Variants in STK11 observed in about 807,000 individuals in gnomAD.
STK11 encodes the protein serine/threonine kinase 11, also known as serine/threonine-protein kinase STK11.
In STK11, 8 loss-of-function variants were observed where a neutral mutation model predicts 47.3. The ratio of observed to expected loss-of-function variants is 0.17; its 90% CI spans 0.10 to 0.31. STK11 has a LOEUF of 0.31. STK11 is among the 10% of genes least tolerant of loss of function. The pLI, the probability that STK11 is intolerant of heterozygous loss-of-function variation, is 1.00. For missense variants in STK11, 475 were observed against 605.0 expected, an observed-to-expected ratio of 0.79 and a Z score of 2.25; for synonymous variants, 330 against 255.8, an observed-to-expected ratio of 1.29 and a Z score of -2.77.
chr19:1,222,871 T>C lies in STK11; in HGVS notation c.921-114T>C, dbSNP rs911247180. 5.5e-6 allele frequency: 7 copies of C among 1,261,372 alleles called. No individual in the cohort carries two copies. The Admixed American group carries it at 1.6e-4, about 29-fold the overall frequency. The allele number at this position is 1,261,372 out of a possible 1,614,324, so 78.1% of individuals were successfully genotyped here. On this transcript the variant is annotated intron_variant, in intron 7 of 9. Coordinates refer to ENST00000326873, the MANE Select transcript of STK11 (RefSeq NM_000455.5). ...GGTCACAGCCACCCCTTGCACGGCC[T>C]GGTCCCAGCTCCTGAGTGTGTGGCA...
rs533940465 is a variant in STK11, at chr19:1,227,989, C to A, written c.*413C>A. 9.1e-5 allele frequency: 97 copies of A among 1,068,462 alleles called. No individual in the cohort carries two copies. Among genetic ancestry groups the A allele is most frequent in the Non-Finnish European group, 1.1e-4 (93 of 881,230 alleles). The allele number at this position is 1,068,462 out of a possible 1,614,324, so 66.2% of individuals were successfully genotyped here. ...AGACCAGGCTCCTGACCCCGCCATG[C>A]ATGCAGCGCCACCTGGAAGCCGCGC... On this transcript the variant is annotated 3_prime_UTR_variant, in exon 10 of 10. Transcript: ENST00000326873.
At chr19:1,207,569 T>G (rs1315543333) in intron 1 of STK11, among the ~76,000 whole-genome samples, 2 of 152,174 alleles carry the variant, frequency 1.3e-5, no homozygotes, top group Non-Finnish European at 2.9e-5. Context: ...CAGCCTGTGT[T>G]TGTTTGGGCC....
At chr19:1,214,924 C>T (rs1157031466) in intron 1 of STK11, among the ~76,000 whole-genome samples, 3 of 152,210 alleles carry the variant, frequency 2.0e-5, no homozygotes, top group African/African-American at 4.8e-5. Context: ...CCTGTGCGTC[C>T]GAGCATCTGG....
rs864622719 is a variant in STK11 at position 1,206,998 on chromosome 19, A to T, written c.85A>T (p.Ile29Phe). The change falls in exon 1 of 10, where the codon ATC (isoleucine) becomes TTC (phenylalanine). Residue 29 changes from isoleucine to phenylalanine, a missense_variant. Ile to Phe is a conservative substitution (Grantham distance 21). Transcript: ENST00000326873. ...GGGTATGGACACGTTCATCCACCGC[A>T]TCGACTCCACCGAGGTCATCTACCA... is the stretch of plus-strand genomic sequence containing the variant. ...SVGMDTFIHR[I>F]DSTEVIYQPR... is the part of the protein sequence containing the mutation. 2 of 1,613,398 alleles carry T rather than the reference A, an allele frequency of 1.2e-6. No homozygotes were observed. Among genetic ancestry groups the T allele is most frequent in the Non-Finnish European group, 1.7e-6 (2 of 1,179,760 alleles).
intron 9 of STK11, 146 bp downstream of exon 9, chr19:1,226,809 A>T (rs1228512393): frequency 9.8e-7 from 1 of 1,020,318 alleles, no homozygotes; most frequent in Non-Finnish European, 1.4e-6. Flanking sequence ...TGGCTTGGCC[A>T]CGTAGCGATC....
intron 9 of STK11, chr19:1,226,921 C>T (rs2080827982): frequency 2.0e-6 from 1 of 489,778 alleles, no homozygotes; most frequent in East Asian, 3.8e-5. Context: ...TCCTCACAGC[C>T]ACCTCTCAGA....
At chr19:1,223,672 G>A (rs1026574689) in intron 8 of STK11, 45 of 1,049,910 alleles carry the variant, frequency 4.3e-5, no homozygotes, top group Middle Eastern at 4.4e-4. Context: ...GGCTTAGAGC[G>A]GAGCGCGGCT....
chr19:1,227,703 C>G lies in STK11; in HGVS notation c.*127C>G. ...CCATGCTTCTGTGCCGACCACGCCC[C>G]AGGACCTCCGGAGCGCCCTGCAGGG... On this transcript the variant is annotated 3_prime_UTR_variant, in exon 10 of 10. Transcript: ENST00000326873. 5 of 1,070,270 alleles carry G rather than the reference C, an allele frequency of 4.7e-6. No homozygotes were observed. The highest frequency in any genetic ancestry group is 5.7e-6 in the Non-Finnish European group (5 of 882,332). The allele number at this position is 1,070,270 out of a possible 1,614,324, so 66.3% of individuals were successfully genotyped here.
chr19:1,210,098 C>T (rs527604532), intron 1 of STK11, among the ~76,000 whole-genome samples: 16 of 152,254 alleles, frequency 1.1e-4, no homozygotes, highest in African/African-American at 3.6e-4. Flanking sequence ...GCCCCGCTTA[C>T]AGCTGTGATT....
rs368733377 is a variant in STK11, at chr19:1,222,907, G to A, written c.921-78G>A. 27 of 1,450,598 alleles carry A rather than the reference G, an allele frequency of 1.9e-5. No individual in the cohort carries two copies. The Middle Eastern group carries it at 7.0e-4, about 38-fold the overall frequency. 89.9% of individuals were successfully genotyped at this position (1,450,598 alleles called of 1,614,324 possible). A position where few individuals can be genotyped will look rare whatever the true frequency, so the allele number is the denominator to read the frequency against. On this transcript the variant is annotated intron_variant, in intron 7 of 9. Coordinates refer to ENST00000326873, the MANE Select transcript of STK11 (RefSeq NM_000455.5). ...CCTGAGTGTGTGGCAGGTACCCTGG[G>A]CCCAGAGGAGCTGGGTCGGAAAACT...
chr19:1,222,523 A>G (rs966000826), intron 7 of STK11, among the ~76,000 whole-genome samples: 8 of 152,126 alleles, frequency 5.3e-5, no homozygotes, highest in Non-Finnish European at 1.2e-4. Flanking sequence ...GAGGCCACCC[A>G]CTGAGACCGG....
intron 8 of STK11, chr19:1,223,838 C>T: frequency 1.9e-6 from 2 of 1,027,868 alleles, no homozygotes; most frequent in Non-Finnish European, 2.3e-6. Context: ...TGTGTTCGGC[C>T]CAGGGCTGGG....
At chr19:1,223,247 G>A (rs2145431734) in intron 8 of STK11, 75 bp downstream of exon 8, 1 of 1,510,388 alleles carries the variant, frequency 6.6e-7, no homozygotes, top group Non-Finnish European at 8.9e-7. Flanking sequence ...GTGCCTGCCT[G>A]TCTGCAACAA....
At chr19:1,210,425 G>T (rs1049842199) in intron 1 of STK11, among the ~76,000 whole-genome samples, 2 of 152,338 alleles carry the variant, frequency 1.3e-5, no homozygotes, top group South Asian at 2.1e-4. Flanking sequence ...GATCACCAAG[G>T]GGGGTGGGTT....
rs1353766637 is a variant in STK11 at position 1,210,231 on chromosome 19, C to CT, written c.290+3028_290+3029insT. 2.6e-5 allele frequency among the ~76,000 whole-genome samples: 4 copies of CT among 152,306 alleles called. No individual in the cohort carries two copies. The East Asian group carries it at 5.8e-4, about 22-fold the overall frequency. Reference sequence around the variant, plus strand: ...AGTGCTGTCAAGGAGAAGGGGTGTCCACTGCCCAGCCCTGAGGCCCAAGGC... The same window carrying CT: ...AGTGCTGTCAAGGAGAAGGGGTGTCCTACTGCCCAGCCCTGAGGCCCAAGGC... On this transcript the variant is annotated intron_variant, in intron 1 of 9. Transcript: ENST00000326873.
At chr19:1,211,175 G>A (rs1209791153) in intron 1 of STK11, among the ~76,000 whole-genome samples, 1 of 152,190 alleles carries the variant, frequency 6.6e-6, no homozygotes, top group Non-Finnish European at 1.5e-5. Context: ...TGGGGAAGCT[G>A]AAGCAAGGAG....
chr19:1,226,752 A>G (rs1396312873), intron 9 of STK11, 89 bp downstream of exon 9: 10 of 1,383,996 alleles, frequency 7.2e-6, no homozygotes, highest in Admixed American at 5.9e-5. Context: ...CTAGTCAGTC[A>G]TGGTGACCGT....
intron 1 of STK11, among the ~76,000 whole-genome samples, chr19:1,212,747 T>C (rs992723438): frequency 6.6e-6 from 1 of 151,948 alleles, no homozygotes; most frequent in African/African-American, 2.4e-5. Flanking sequence ...GGTTTCACCG[T>C]GTTAGCCAGT....
intron 8 of STK11, chr19:1,224,494 G>C: frequency 1.0e-6 from 1 of 985,468 alleles, no homozygotes; most frequent in South Asian, 4.7e-5. Flanking sequence ...GAGACGGGCA[G>C]CCAGGCAAAT....
Sources: allele counts gnomAD v4.1 joint callset (sites outside exome capture counted in the v4.1 genomes callset), GRCh38; gene constraint gnomAD v4.1.1; transcripts MANE v1.5; gene names NCBI Gene and HGNC (gene_info 2026-07-23, HGNC 2026-07-21).